SLC44A5: variants seen among roughly 807,000 people sequenced by gnomAD.
SLC44A5 encodes choline transporter-like protein 5.
In SLC44A5, 57 loss-of-function variants were observed where a neutral mutation model predicts 101.8. The observed-to-expected ratio is 0.56, with a 90% CI of 0.45 to 0.70. The LOEUF (loss-of-function observed/expected upper bound fraction) is 0.70. Ranked by LOEUF, SLC44A5 falls within the 30% of genes least tolerant of loss-of-function variation. The pLI is 0.00. For synonymous variants in SLC44A5, 281 were observed against 290.9 expected, an observed-to-expected ratio of 0.97 and a Z score of 0.35; for missense variants, 737 against 853.1, an observed-to-expected ratio of 0.86 and a Z score of 1.70.
At chr1:75,394,751 A>T (rs1410621452) in intron 3 of SLC44A5, among the ~76,000 whole-genome samples, 1 of 152,112 alleles carries the variant, frequency 6.6e-6, no homozygotes, top group East Asian at 1.9e-4. Flanking sequence ...TCAGGCTCTT[A>T]AAAAGAAGTG....
chr1:75,695,320 G>T, the SLC44A5 span, among the ~76,000 whole-genome samples: 1 of 152,104 alleles, frequency 6.6e-6, no homozygotes, highest in Non-Finnish European at 1.5e-5. Flanking sequence ...ACAAAATCAG[G>T]TTTCTAAATC....
chr1:75,238,609 G>A lies in SLC44A5; in HGVS notation c.560C>T (p.Ser187Phe). Residue 187 changes from serine to phenylalanine, a missense_variant, in exon 10 of 24, where the codon TCT becomes TTT. Physicochemically the swap from Ser to Phe is radical, Grantham distance 155. Around this residue, in one of 3 missense-constraint regions of SLC44A5, gnomAD observed 665 missense variants for 764.4 expected, o/e 0.87. Coordinates refer to ENST00000370859, the MANE Select transcript of SLC44A5 (RefSeq NM_001130058.2). ...PFLQRCFPDF[S>F]TKNGTLTIGS... Reference sequence around the variant, plus strand: ...TATTGTTAAAGTGCCATTTTTGGTAGAGAAGTCAGGGAAACATCTCTGGAG... The same window carrying A: ...TATTGTTAAAGTGCCATTTTTGGTAAAGAAGTCAGGGAAACATCTCTGGAG... 1 of 1,576,908 alleles carries A rather than the reference G, an allele frequency of 6.3e-7. No homozygotes were observed. Among genetic ancestry groups the A allele is most frequent in the Non-Finnish European group, 8.6e-7 (1 of 1,158,170 alleles).
chr1:75,505,807 T>C (rs374562430), intron 2 of SLC44A5, among the ~76,000 whole-genome samples: 3 of 152,150 alleles, frequency 2.0e-5, no homozygotes, highest in East Asian at 1.9e-4. Context: ...TGTGTTGTTG[T>C]TTAATTTGTT....
At chr1:75,241,879 G>T in intron 9 of SLC44A5, 122 bp downstream of exon 9, 1 of 743,678 alleles carries the variant, frequency 1.3e-6, no homozygotes, top group Non-Finnish European at 2.2e-6. Flanking sequence ...ATCAACTCTG[G>T]GACTTTAGGC....
intron 2 of SLC44A5, among the ~76,000 whole-genome samples, chr1:75,454,393 C>A (rs544712996): frequency 6.6e-6 from 1 of 152,122 alleles, no homozygotes; most frequent in Non-Finnish European, 1.5e-5. Context: ...ATTCGAGGAA[C>A]ATATCTCAAA....
the SLC44A5 span, among the ~76,000 whole-genome samples, chr1:75,703,823 A>G: frequency 6.6e-6 from 1 of 152,218 alleles, no homozygotes; most frequent in Non-Finnish European, 1.5e-5. Context: ...AGGGAAGCCC[A>G]TACAAAGCTA....
chr1:75,555,520 T>A (rs2779491), intron 1 of SLC44A5, among the ~76,000 whole-genome samples: 23,249 of 151,690 alleles, frequency 0.15, 2,028 homozygotes, highest in Admixed American at 0.23. Flanking sequence ...ATGGTGAGAG[T>A]AGAGGAGAAA....
chr1:75,679,786 C>T, the SLC44A5 span, among the ~76,000 whole-genome samples: 4 of 151,968 alleles, frequency 2.6e-5, no homozygotes, highest in African/African-American at 9.7e-5. Context: ...TGTAAATGGA[C>T]TAAATGCTCC....
the SLC44A5 span, among the ~76,000 whole-genome samples, chr1:75,686,540 G>A: frequency 5.4e-3 from 818 of 152,302 alleles, 8 homozygotes; most frequent in African/African-American, 0.019. Flanking sequence ...GGGAAGAATC[G>A]TAAGGAATGA....
chr1:75,653,486 A>G, the SLC44A5 span, among the ~76,000 whole-genome samples: 1 of 152,218 alleles, frequency 6.6e-6, no homozygotes, highest in Non-Finnish European at 1.5e-5. Context: ...ACTAAAAAAG[A>G]AAAAGAAAAT....
intron 2 of SLC44A5, among the ~76,000 whole-genome samples, chr1:75,441,630 T>C (rs1433209113): frequency 6.6e-6 from 1 of 152,076 alleles, no homozygotes; most frequent in Non-Finnish European, 1.5e-5. Flanking sequence ...CATAATTACA[T>C]TGTGTACAAG....
At chr1:75,324,690 C>T (rs931099178) in intron 4 of SLC44A5, among the ~76,000 whole-genome samples, 3 of 152,150 alleles carry the variant, frequency 2.0e-5, no homozygotes, top group African/African-American at 4.8e-5. Context: ...AGCCCTTCCT[C>T]AGGAATTTGT....
chr1:75,400,942 C>G (rs1381293067), intron 2 of SLC44A5, among the ~76,000 whole-genome samples: 1 of 152,238 alleles, frequency 6.6e-6, no homozygotes, highest in East Asian at 1.9e-4. Flanking sequence ...TCTGTCCAAA[C>G]TATGCCTGAT....
intron 2 of SLC44A5, among the ~76,000 whole-genome samples, chr1:75,406,988 G>A (rs907632629): frequency 6.6e-6 from 1 of 152,102 alleles, no homozygotes; most frequent in African/African-American, 2.4e-5. Flanking sequence ...ATCTCCTTAA[G>A]CTGATAAGCA....
At chr1:75,470,350 A>T (rs1442941947) in intron 2 of SLC44A5, among the ~76,000 whole-genome samples, 1 of 152,174 alleles carries the variant, frequency 6.6e-6, no homozygotes, top group African/African-American at 2.4e-5. Context: ...GCCCTACCTT[A>T]TAAATGTTCC....
At chr1:75,638,054 A>G in the SLC44A5 span, among the ~76,000 whole-genome samples, 4 of 152,176 alleles carry the variant, frequency 2.6e-5, no homozygotes, top group East Asian at 1.9e-4. Flanking sequence ...TAAAATATTT[A>G]TTATAATTGT....
intron 6 of SLC44A5, among the ~76,000 whole-genome samples, chr1:75,253,807 G>A (rs1419905452): frequency 6.6e-6 from 1 of 152,068 alleles, no homozygotes; most frequent in East Asian, 1.9e-4. Flanking sequence ...CAAGGGTAAG[G>A]TTTATACCTT....
At chr1:75,392,454 T>C (rs1260418696) in intron 3 of SLC44A5, among the ~76,000 whole-genome samples, 3 of 152,010 alleles carry the variant, frequency 2.0e-5, no homozygotes, top group African/African-American at 7.2e-5. Context: ...CACAAAGCAA[T>C]ACCATCTCAC....
intron 2 of SLC44A5, among the ~76,000 whole-genome samples, chr1:75,434,619 T>G (rs531983480): frequency 1.3e-5 from 2 of 152,156 alleles, no homozygotes; most frequent in Non-Finnish European, 2.9e-5. Context: ...AACTCCTTCA[T>G]GTGACACTCA....
Sources: gnomAD v4.1 joint callset for allele counts (sites outside exome capture counted in the v4.1 genomes callset) on GRCh38, gnomAD v4.1.1 for gene constraint, gnomAD v4.1.1 regional missense constraint, MANE v1.5 for transcripts, NCBI Gene and HGNC (gene_info 2026-07-23, HGNC 2026-07-21) for gene names.